The following GNL1 variants were observed in gnomAD, a reference collection of about 807,000 sequenced individuals.
GNL1 encodes guanine nucleotide-binding protein-like 1.
A neutral mutation model predicts 75.2 loss-of-function variants in GNL1; 21 were observed. The observed-to-expected ratio is 0.28, with a 90% CI of 0.20 to 0.40. The LOEUF (loss-of-function observed/expected upper bound fraction) is 0.40, where lower values mean the gene tolerates loss of function less well. GNL1 is among the 10% of genes least tolerant of loss of function. The probability of loss-of-function intolerance (pLI) is 1.00; values close to 1 mark genes in which losing one functional copy is unlikely to be tolerated. For synonymous variants in GNL1, 287 were observed against 303.4 expected, an observed-to-expected ratio of 0.95 and a Z score of 0.56; for missense variants, 579 against 775.0, an observed-to-expected ratio of 0.75 and a Z score of 3.00.
Position 30,547,602 on chromosome 6 carries a change from G to T in GNL1, c.1100-72C>A. On this transcript the variant is annotated intron_variant, in intron 8 of 11. Coordinates refer to ENST00000376621, the MANE Select transcript of GNL1 (RefSeq NM_005275.5). This position sits in a 1 kb window ranked among gnomAD's most constrained non-coding sequence, Gnocchi z 5.5. ...GATGGGACTTGGTGCTATACCTATA[G>T]GTAAAAGGGGAACTAAGGCTCAGAA... is the stretch of plus-strand genomic sequence containing the variant. The T allele has an allele frequency of 8.0e-7, 1 of 1,246,298 alleles. No homozygotes were observed. Among genetic ancestry groups the T allele is most frequent in the Non-Finnish European group, 1.2e-6 (1 of 867,060 alleles). The allele number at this position is 1,246,298 out of a possible 1,614,324, so 77.2% of individuals were successfully genotyped here.
chr6:30,553,325 T>G, intron 6 of GNL1, 25 bp downstream of exon 6: 1 of 1,582,484 alleles, frequency 6.3e-7, no homozygotes, highest in Non-Finnish European at 8.7e-7. Flanking sequence ...CTCTCCCAAG[T>G]TGCCCTCTCT....
Position 30,547,286 on chromosome 6 carries a change from G to T in GNL1, c.1279-12C>A. The stretch of plus-strand genomic sequence containing the variant: ...ATCCCTGCCAGAACCTGAGGGAAAT[G>T]AGCACTCAGTACTTTCCTCAATGTC... On this transcript the variant is annotated splice_polypyrimidine_tract_variant and intron_variant, in intron 9 of 11. Coordinates refer to ENST00000376621, the MANE Select transcript of GNL1 (RefSeq NM_005275.5). This position sits in a 1 kb window ranked among gnomAD's most constrained non-coding sequence, Gnocchi z 5.5. 2.5e-6 allele frequency: 4 copies of T among 1,585,220 alleles called. No individual in the cohort carries two copies. Among genetic ancestry groups the T allele is most frequent in the Non-Finnish European group, 3.4e-6 (4 of 1,165,336 alleles).
chr6:30,554,533 C>A lies in GNL1; in HGVS notation c.600+42G>T, dbSNP rs769650660. 1.4e-5 allele frequency: 17 copies of A among 1,213,632 alleles called. No homozygotes were observed. The South Asian group carries it at 1.9e-4, about 14-fold the overall frequency. The allele number at this position is 1,213,632 out of a possible 1,614,324, so 75.2% of individuals were successfully genotyped here. ...CCTCTGACCTTTGCCCCTGAAAAAC[C>A]TTTCTCCCTCCTCCTTGCCCACCCT... On this transcript the variant is annotated intron_variant, in intron 5 of 11. Transcript: ENST00000376621.
chr6:30,553,015 G>C lies in GNL1; in HGVS notation c.904+69C>G, dbSNP rs556328362. On this transcript the variant is annotated intron_variant, in intron 7 of 11. Transcript: ENST00000376621. ...TAGAGGGGTTGGCTTCAGGAAAGGT[G>C]AGCAAAATGATTCTGCATCTTTGGT... 2.7e-6 allele frequency: 3 copies of C among 1,104,010 alleles called. No individual in the cohort carries two copies. In the African/African-American group the frequency reaches 4.6e-5, roughly 17 times the overall value. The allele number at this position is 1,104,010 out of a possible 1,614,324, so 68.4% of individuals were successfully genotyped here.
At chr6:30,551,667 CCTA>C (rs1324321712) in intron 8 of GNL1, among the ~76,000 whole-genome samples, 1 of 152,158 alleles carries the variant, frequency 6.6e-6, no homozygotes, top group Non-Finnish European at 1.5e-5. Context: ...TTGCTGAGCT[CCTA>C]CTATGATTTG....
chr6:30,545,332 G>A lies in GNL1; in HGVS notation c.*740C>T, dbSNP rs1799386802. ...ACATTTAATCAACATTTTCACAAGC[G>A]TTTTGCCTTAACTAAAAATTTGTAT... On this transcript the variant is annotated 3_prime_UTR_variant, in exon 12 of 12. Coordinates refer to ENST00000376621, the MANE Select transcript of GNL1 (RefSeq NM_005275.5). The A allele has an allele frequency of 2.0e-5, 3 of 152,144 alleles. No individual in the cohort carries two copies. Among genetic ancestry groups the A allele is most frequent in the Non-Finnish European group, 4.4e-5 (3 of 68,030 alleles). The allele number at this position is 152,144 out of a possible 1,614,324, so 9.4% of individuals were successfully genotyped here. A position where few individuals can be genotyped will look rare whatever the true frequency, so the allele number is the denominator to read the frequency against.
Position 30,546,023 on chromosome 6 carries a change from A to G in GNL1, c.*49T>C. The G allele has an allele frequency of 7.4e-7, 1 of 1,353,340 alleles. No individual in the cohort carries two copies. 83.8% of individuals were successfully genotyped at this position (1,353,340 alleles called of 1,614,324 possible). A position where few individuals can be genotyped will look rare whatever the true frequency, so the allele number is the denominator to read the frequency against. On this transcript the variant is annotated 3_prime_UTR_variant, in exon 12 of 12. Coordinates refer to ENST00000376621, the MANE Select transcript of GNL1 (RefSeq NM_005275.5). The surrounding 1 kb of genome is among the most constrained non-coding windows in gnomAD (Gnocchi z 5.1). ...GGCAGAGGGGAGATACCCCCAGGTC[A>G]GTCCAAAAGCAAAGATACTGGGAGG...
At position 30,551,891 on chromosome 6, in the gene GNL1, G is replaced by A. The variant is rs886334845; in HGVS notation, c.1099+576C>T. Among the ~76,000 whole-genome samples the A allele has an allele frequency of 5.3e-5, 8 of 151,920 alleles. No homozygotes were observed. In the South Asian group the frequency reaches 6.2e-4, roughly 12 times the overall value. ...CATCCATTCTTTTTTTTTAAAGACA[G>A]GGTCTCTATCAGCCAGGCTGGAGTG... On this transcript the variant is annotated intron_variant, in intron 8 of 11. Coordinates refer to ENST00000376621, the MANE Select transcript of GNL1 (RefSeq NM_005275.5).
chr6:30,550,694 G>T (rs1013806976), intron 8 of GNL1, among the ~76,000 whole-genome samples: 1 of 152,080 alleles, frequency 6.6e-6, no homozygotes, highest in Non-Finnish European at 1.5e-5. Flanking sequence ...ATGAGACTTG[G>T]AATAAAATCC....
Position 30,548,099 on chromosome 6 carries a change from C to T in GNL1, c.1100-569G>A, listed in dbSNP as rs1242352486. The stretch of plus-strand genomic sequence containing the variant: ...GCTGAGGCAGGAGAACCACTTGAAC[C>T]CAGGAGGCGGAGGTTGCAGTGAGCT... On this transcript the variant is annotated intron_variant, in intron 8 of 11. Coordinates refer to ENST00000376621, the MANE Select transcript of GNL1 (RefSeq NM_005275.5). The surrounding 1 kb of genome is among the most constrained non-coding windows in gnomAD (Gnocchi z 4.2). Among the ~76,000 whole-genome samples, 2 of 152,046 alleles carry T rather than the reference C, an allele frequency of 1.3e-5. No homozygotes were observed. The highest frequency in any genetic ancestry group is 4.8e-5 in the African/African-American group (2 of 41,398).
Sources: gnomAD v4.1 joint callset for allele counts (sites outside exome capture counted in the v4.1 genomes callset) on GRCh38, gnomAD v4.1.1 for gene constraint, Gnocchi (gnomAD v3.1) non-coding constraint, MANE v1.5 for transcripts, NCBI Gene and HGNC (gene_info 2026-07-23, HGNC 2026-07-21) for gene names.